Variants in WDR1 observed in about 807,000 individuals in gnomAD.
The protein encoded by WDR1 is WD repeat-containing protein 1.
WDR1 carries 21 observed loss-of-function variants against 71.9 expected under a neutral mutation model. The ratio of observed to expected loss-of-function variants is 0.29; its 90% CI spans 0.21 to 0.42. The LOEUF (loss-of-function observed/expected upper bound fraction) is 0.42, where lower values mean the gene tolerates loss of function less well. Among genes scored for constraint, WDR1 ranks in the 10% least tolerant of loss-of-function variants. WDR1 has a pLI of 1.00. For missense variants in WDR1, 696 were observed against 824.5 expected, an observed-to-expected ratio of 0.84 and a Z score of 1.91; for synonymous variants, 424 against 347.4, an observed-to-expected ratio of 1.22 and a Z score of -2.45.
At chr4:10,113,402 T>G (rs1395077242) in intron 2 of WDR1, among the ~76,000 whole-genome samples, 1 of 152,126 alleles carries the variant, frequency 6.6e-6, no homozygotes, top group Non-Finnish European at 1.5e-5. Flanking sequence ...GAGCAAGACT[T>G]GCAGCTATCT....
At chr4:10,110,061 G>C (rs73807220) in intron 2 of WDR1, among the ~76,000 whole-genome samples, 1,616 of 152,326 alleles carry the variant, frequency 0.011, 21 homozygotes, top group African/African-American at 0.037. Context: ...AGAACAGAGA[G>C]GTGCTCAGGG....
Position 10,097,818 on chromosome 4 carries a change from T to C in WDR1, c.451A>G (p.Ser151Gly), listed in dbSNP as rs761207798. Residue 151 changes from serine to glycine, a missense_variant, in exon 5 of 15, where the codon AGC becomes GGC. Physicochemically the swap from Ser to Gly is moderately conservative, Grantham distance 56. Transcript: ENST00000499869. ...EITGHNKVIN[S>G]VDIKQSRPYR... Reference sequence around the variant, plus strand: ...GGCCGGCTCTGCTTGATGTCCACGCTGTTGATGACTTTGTTGTGTCCTGTA... The same window carrying C: ...GGCCGGCTCTGCTTGATGTCCACGCCGTTGATGACTTTGTTGTGTCCTGTA... The C allele has an allele frequency of 6.2e-7, 1 of 1,613,210 alleles. No individual in the cohort carries two copies. The highest frequency in any genetic ancestry group is 1.7e-5 in the Admixed American group (1 of 59,936).
intron 9 of WDR1, 70 bp downstream of exon 9, chr4:10,084,373 C>A (rs1361794160): frequency 6.9e-7 from 1 of 1,458,634 alleles, no homozygotes; most frequent in Non-Finnish European, 9.4e-7. Context: ...TGGCCTCTGG[C>A]ATCATGGGAA....
chr4:10,116,629 G>C, intron 1 of WDR1, 22 bp downstream of exon 1: 3 of 1,237,550 alleles, frequency 2.4e-6, no homozygotes, highest in Admixed American at 8.1e-5. Flanking sequence ...GCCGCTCGGG[G>C]GCCCCGCGCC....
chr4:10,077,892 G>A lies in WDR1; in HGVS notation c.1430C>T (p.Thr477Ile). Residue 477 changes from threonine to isoleucine, a missense_variant, in exon 13 of 15, where the codon ACC becomes ATC. Thr to Ile is a moderately conservative substitution (Grantham distance 89). Coordinates refer to ENST00000499869, the MANE Select transcript of WDR1 (RefSeq NM_017491.5). ...GNVRLYSILG[T>I]TLKDEGKLLE... ...GAGCTTGCCCTCATCCTTCAGCGTGGTGCCCAGGATGGAATACAGGCGGAC... is the reference window on the plus strand; with the variant it reads ...GAGCTTGCCCTCATCCTTCAGCGTGATGCCCAGGATGGAATACAGGCGGAC... 6.2e-7 allele frequency: 1 copy of A among 1,611,484 alleles called. No individual in the cohort carries two copies.
rs141899745 is a variant in WDR1, at chr4:10,083,991, C to T, written c.1039+452G>A. Among the ~76,000 whole-genome samples the T allele has an allele frequency of 7.1e-3, 1,085 of 152,342 alleles. 25 individuals carry two copies. The highest frequency in any genetic ancestry group is 4.9e-3 in the Non-Finnish European group (331 of 68,036). ...CATGACTCTGGGGCGGGCACATCAG[C>T]TCTCTGGGCTCTGGTTTTCCTATTT... On this transcript the variant is annotated intron_variant, in intron 9 of 14. Transcript: ENST00000499869.
chr4:10,080,274 T>G (rs1764960646), intron 11 of WDR1, among the ~76,000 whole-genome samples: 1 of 152,228 alleles, frequency 6.6e-6, no homozygotes, highest in South Asian at 2.1e-4. Context: ...CAGGGCACGC[T>G]GCCCTAGGCC....
intron 5 of WDR1, among the ~76,000 whole-genome samples, chr4:10,095,787 C>G (rs1578434079): frequency 6.6e-6 from 1 of 152,198 alleles, no homozygotes; most frequent in African/African-American, 2.4e-5. Context: ...CACTGTCACC[C>G]TGTTTCCGGG....
intron 9 of WDR1, chr4:10,083,559 G>A: frequency 2.1e-6 from 1 of 474,580 alleles, no homozygotes. Flanking sequence ...CCAGCCTGGG[G>A]GGACCTCCTT....
chr4:10,099,778 A>G (rs909791593), intron 3 of WDR1, among the ~76,000 whole-genome samples: 2 of 152,210 alleles, frequency 1.3e-5, no homozygotes, highest in East Asian at 3.9e-4. Flanking sequence ...TCACACACCG[A>G]GCAGTTCCAC....
At chr4:10,116,393 C>T (rs536684004) in intron 1 of WDR1, 159 bp from the exon 2 acceptor site, 2 of 1,142,404 alleles carry the variant, frequency 1.8e-6, no homozygotes, top group East Asian at 5.3e-5. Context: ...GCGCGACTTC[C>T]TGGTCCGCGC....
At chr4:10,078,409 C>T (rs1764881055) in intron 12 of WDR1, among the ~76,000 whole-genome samples, 1 of 152,228 alleles carries the variant, frequency 6.6e-6, no homozygotes, top group Non-Finnish European at 1.5e-5. Context: ...GAGAATTATG[C>T]CGAGGCAGAA....
intron 7 of WDR1, 111 bp from the exon 8 acceptor site, chr4:10,088,051 A>G: frequency 1.8e-6 from 2 of 1,124,906 alleles, no homozygotes; most frequent in Non-Finnish European, 2.5e-6. Flanking sequence ...AGGAGCCCAG[A>G]GAGAGGGTGG....
At chr4:10,095,563 C>G (rs1712289738) in intron 5 of WDR1, among the ~76,000 whole-genome samples, 1 of 152,192 alleles carries the variant, frequency 6.6e-6, no homozygotes. Context: ...ACGACCGCAG[C>G]TTTCCTCTGG....
At chr4:10,082,999 C>T (rs934885523) in intron 10 of WDR1, 23 bp downstream of exon 10, 1 of 1,592,718 alleles carries the variant, frequency 6.3e-7, no homozygotes, top group African/African-American at 1.3e-5. Context: ...ATCCGGAACC[C>T]CCGCAGACCC....
chr4:10,085,473 C>G (rs1156360521), intron 8 of WDR1, among the ~76,000 whole-genome samples: 3 of 152,224 alleles, frequency 2.0e-5, no homozygotes, highest in Admixed American at 2.0e-4. Flanking sequence ...GCTGGGCGGC[C>G]TCCTTCCAAT....
chr4:10,081,324 G>C, intron 11 of WDR1, 33 bp downstream of exon 11: 1 of 1,603,448 alleles, frequency 6.2e-7, no homozygotes, highest in Non-Finnish European at 8.5e-7. Flanking sequence ...CACAGCTGCA[G>C]GCTCCCACCC....
At chr4:10,085,842 A>G (rs1233380928) in intron 8 of WDR1, among the ~76,000 whole-genome samples, 2 of 152,188 alleles carry the variant, frequency 1.3e-5, no homozygotes, top group East Asian at 3.9e-4. Context: ...ACCGAACATC[A>G]GCATCTGCGT....
chr4:10,088,021 G>A (rs1040556314), intron 7 of WDR1, 81 bp from the exon 8 acceptor site: 14 of 1,326,500 alleles, frequency 1.1e-5, no homozygotes, highest in African/African-American at 1.5e-5. Context: ...TGTCCACTGC[G>A]ACTGTTTGAG....
Sources: gnomAD v4.1 joint callset for allele counts (sites outside exome capture counted in the v4.1 genomes callset) on GRCh38, gnomAD v4.1.1 for gene constraint, MANE v1.5 for transcripts, NCBI Gene and HGNC (gene_info 2026-07-23, HGNC 2026-07-21) for gene names.